Variants in FAF1 observed in about 807,000 individuals in gnomAD.
FAF1 encodes FAS-associated factor 1.
Under a neutral mutation model 92.5 loss-of-function variants are expected in FAF1, and 25 were observed. The observed-to-expected ratio is 0.27, with a 90% CI of 0.20 to 0.38. The LOEUF is 0.38. Among genes scored for constraint, FAF1 ranks in the 10% least tolerant of loss-of-function variants. The pLI is 1.00. For synonymous variants in FAF1, 234 were observed against 273.2 expected, an observed-to-expected ratio of 0.86 and a Z score of 1.42; for missense variants, 636 against 793.3, an observed-to-expected ratio of 0.80 and a Z score of 2.38.
chr1:50,527,852 C>CCTCTCTCCCTCTCTCCCTCT (rs2149033575), intron 15 of FAF1, among the ~76,000 whole-genome samples: 1 of 80,612 alleles, frequency 1.2e-5, no homozygotes, highest in African/African-American at 5.2e-5. Context: ...TCCCTCTCTC[C>CCTCTCTCCCTCTCTCCCTCT]CTCTCTCCCT....
chr1:50,909,548 A>G (rs1644867853), intron 1 of FAF1, among the ~76,000 whole-genome samples: 1 of 152,100 alleles, frequency 6.6e-6, no homozygotes, highest in Non-Finnish European at 1.5e-5. Context: ...ACATAGTCCC[A>G]TATTTCTTGG....
In FAF1 at chr1:50,438,660, T is replaced by C. The variant is rs1646146082; in HGVS notation, c.*2780A>G. On this transcript the variant is annotated 3_prime_UTR_variant, in exon 19 of 19. Coordinates refer to ENST00000396153, the MANE Select transcript of FAF1 (RefSeq NM_007051.3). The stretch of plus-strand genomic sequence containing the variant: ...CATTCAAATGAAAAAGTCTATACTT[T>C]GGGGGAAATTTGCCAGAGCTCTCCA... 2 of 152,182 alleles carry C rather than the reference T, an allele frequency of 1.3e-5. No individual in the cohort carries two copies. Among genetic ancestry groups the C allele is most frequent in the South Asian group, 4.2e-4 (2 of 4,818 alleles). 9.4% of individuals were successfully genotyped at this position (152,182 alleles called of 1,614,324 possible).
intron 2 of FAF1, among the ~76,000 whole-genome samples, chr1:50,806,493 C>T (rs1157184523): frequency 6.6e-6 from 1 of 152,134 alleles, no homozygotes; most frequent in Non-Finnish European, 1.5e-5. Flanking sequence ...ATACCACAGC[C>T]CTGCTTCCAC....
chr1:50,468,329 G>A (rs1165459541), intron 18 of FAF1, among the ~76,000 whole-genome samples: 1 of 151,910 alleles, frequency 6.6e-6, no homozygotes, highest in African/African-American at 2.4e-5. Context: ...GTCTTGCTCT[G>A]TCTCCCAGGC....
intron 4 of FAF1, among the ~76,000 whole-genome samples, chr1:50,747,116 G>C (rs1194354090): frequency 6.6e-6 from 1 of 152,186 alleles, no homozygotes; most frequent in Non-Finnish European, 1.5e-5. Flanking sequence ...ATGTGAGGTT[G>C]GACCCCCACA....
intron 1 of FAF1, among the ~76,000 whole-genome samples, chr1:50,873,730 G>A (rs1156855675): frequency 6.6e-6 from 1 of 152,180 alleles, no homozygotes; most frequent in Non-Finnish European, 1.5e-5. Flanking sequence ...TTAACCAACA[G>A]CCCACAAGGG....
chr1:50,627,336 A>C (rs921220383), intron 8 of FAF1, among the ~76,000 whole-genome samples: 1 of 152,172 alleles, frequency 6.6e-6, no homozygotes, highest in Admixed American at 6.5e-5. Flanking sequence ...AGAAACTAGG[A>C]GCCAAATGAA....
chr1:50,950,771 CT>C (rs1022286241), intron 1 of FAF1, among the ~76,000 whole-genome samples: 1 of 152,198 alleles, frequency 6.6e-6, no homozygotes, highest in African/African-American at 2.4e-5. Flanking sequence ...CTCTTCCTTC[CT>C]TCCTTCCTGA....
intron 17 of FAF1, among the ~76,000 whole-genome samples, chr1:50,489,821 G>C (rs1173696542): frequency 6.6e-6 from 1 of 152,180 alleles, no homozygotes; most frequent in Non-Finnish European, 1.5e-5. Context: ...GAAGACTGTG[G>C]AAGGGAGAAG....
chr1:50,506,179 C>T (rs1647055884), intron 15 of FAF1, among the ~76,000 whole-genome samples: 1 of 152,198 alleles, frequency 6.6e-6, no homozygotes, highest in Admixed American at 6.5e-5. Flanking sequence ...ACACAAAAAA[C>T]CCACCTGTCT....
intron 2 of FAF1, among the ~76,000 whole-genome samples, chr1:50,827,704 TA>T (rs1644114894): frequency 6.6e-6 from 1 of 152,036 alleles, no homozygotes; most frequent in Non-Finnish European, 1.5e-5. Flanking sequence ...CAAACATACC[TA>T]AAGATTATTT....
chr1:50,618,133 T>C (rs1196128638), intron 8 of FAF1, among the ~76,000 whole-genome samples: 2 of 152,168 alleles, frequency 1.3e-5, no homozygotes, highest in Non-Finnish European at 2.9e-5. Flanking sequence ...GTATGGATGT[T>C]TGCATCTCAA....
At chr1:50,846,762 C>A in intron 2 of FAF1, 1 of 695,168 alleles carries the variant, frequency 1.4e-6, no homozygotes, top group Non-Finnish European at 2.6e-6. Flanking sequence ...CCCTCTGACC[C>A]AGGAACTAAA....
intron 6 of FAF1, among the ~76,000 whole-genome samples, chr1:50,706,422 TA>T (rs1364178187): frequency 1.3e-5 from 2 of 152,198 alleles, no homozygotes; most frequent in Non-Finnish European, 2.9e-5. Context: ...TAGGACTCAG[TA>T]ATACACAGAA....
At chr1:50,501,278 G>A (rs796499423) in intron 15 of FAF1, among the ~76,000 whole-genome samples, 12 of 152,244 alleles carry the variant, frequency 7.9e-5, no homozygotes, top group South Asian at 4.2e-4. Flanking sequence ...TAAGCATGTC[G>A]AAAAATAAAT....
At chr1:50,949,346 G>A (rs1570176630) in intron 1 of FAF1, among the ~76,000 whole-genome samples, 1 of 152,252 alleles carries the variant, frequency 6.6e-6, no homozygotes, top group Non-Finnish European at 1.5e-5. Context: ...TTTTGAGCCA[G>A]AAAATTCTTT....
chr1:50,441,204 T>G lies in FAF1; in HGVS notation c.*236A>C. 4 of 414,708 alleles carry G rather than the reference T, an allele frequency of 9.6e-6. No individual in the cohort carries two copies. Among genetic ancestry groups the G allele is most frequent in the East Asian group, 3.8e-5 (1 of 26,096 alleles). The allele number at this position is 414,708 out of a possible 1,614,324, so 25.7% of individuals were successfully genotyped here. A position where few individuals can be genotyped will look rare whatever the true frequency, so the allele number is the denominator to read the frequency against. ...TTGAAGGAGGGTGAAGTGCAGGGGG[T>G]AGGGGAGGGTGGCAGAGTTGTAATT... On this transcript the variant is annotated 3_prime_UTR_variant, in exon 19 of 19. Coordinates refer to ENST00000396153, the MANE Select transcript of FAF1 (RefSeq NM_007051.3).
At chr1:50,806,668 G>C (rs1662217041) in intron 2 of FAF1, among the ~76,000 whole-genome samples, 1 of 152,210 alleles carries the variant, frequency 6.6e-6, no homozygotes, top group Non-Finnish European at 1.5e-5. Flanking sequence ...AGAAGCTCCA[G>C]TACAGCATGT....
At chr1:50,721,514 G>GA (rs1658411877) in intron 6 of FAF1, among the ~76,000 whole-genome samples, 3 of 150,450 alleles carry the variant, frequency 2.0e-5, no homozygotes, top group African/African-American at 7.3e-5. Context: ...TGCCCGGCCG[G>GA]AAAAAAAAAT....
Sources: gnomAD v4.1 joint callset for allele counts (sites outside exome capture counted in the v4.1 genomes callset) on GRCh38, gnomAD v4.1.1 for gene constraint, MANE v1.5 for transcripts, NCBI Gene and HGNC (gene_info 2026-07-23, HGNC 2026-07-21) for gene names.